SEPTIN11: variants seen among roughly 807,000 people sequenced by gnomAD.
The protein encoded by SEPTIN11 is septin 11.
In SEPTIN11, 25 loss-of-function variants were observed where a neutral mutation model predicts 51.4. The observed-to-expected ratio is 0.49, with a 90% CI of 0.35 to 0.68. The LOEUF is 0.68. Ranked by LOEUF, SEPTIN11 falls within the 30% of genes least tolerant of loss-of-function variation. The pLI is 0.00. For missense variants in SEPTIN11, 381 were observed against 520.8 expected (o/e 0.73, Z 2.61); for synonymous variants, 174 against 184.1 (o/e 0.95, Z 0.44).
rs144628665 is a variant in SEPTIN11, at chr4:77,010,495, A to C, written c.339-1240A>C. Reference sequence around the variant, plus strand: ...TTTAAAGCCTCTAGAGATTTTGTCTACTCTAATTGAACCAATATATTGTGA... The same window carrying C: ...TTTAAAGCCTCTAGAGATTTTGTCTCCTCTAATTGAACCAATATATTGTGA... On this transcript the variant is annotated intron_variant, in intron 3 of 9. Transcript: ENST00000264893. Among the ~76,000 whole-genome samples, 4 of 148,828 alleles carry C rather than the reference A, an allele frequency of 2.7e-5. No individual in the cohort carries two copies. The East Asian group carries it at 7.9e-4, about 29-fold the overall frequency.
intron 1 of SEPTIN11, among the ~76,000 whole-genome samples, 164 bp downstream of exon 1, chr4:76,950,094 G>T (rs903621384): frequency 3.9e-5 from 6 of 152,182 alleles, no homozygotes; most frequent in Non-Finnish European, 5.9e-5. Context: ...TGGGGTCGGG[G>T]TTAGGAGCCC....
chr4:76,982,864 A>C (rs2109917349), intron 1 of SEPTIN11, among the ~76,000 whole-genome samples: 1 of 152,274 alleles, frequency 6.6e-6, no homozygotes, highest in Non-Finnish European at 1.5e-5. Flanking sequence ...TGGTAGCCTG[A>C]GAGGGATCTA....
Position 77,011,887 on chromosome 4 carries a change from T to C in SEPTIN11, c.491T>C (p.Leu164Pro). 1 of 1,614,080 alleles carries C rather than the reference T, an allele frequency of 6.2e-7. No individual in the cohort carries two copies. Among genetic ancestry groups the C allele is most frequent in the Non-Finnish European group, 8.5e-7 (1 of 1,179,948 alleles). ...CCTACTGGACATTCACTAAAGTCCC[T>C]GGATCTGGTCACCATGAAAAAGCTG... ...IAPTGHSLKS[L>P]DLVTMKKLDS... The change falls in exon 4 of 10, where the codon CTG (leucine) becomes CCG (proline). Residue 164 changes from leucine (L) to proline (P), a missense_variant. This residue lies in a region of SEPTIN11 where 184 missense variants were observed against 207.7 expected (regional missense o/e 0.89). Coordinates refer to ENST00000264893, the MANE Select transcript of SEPTIN11 (RefSeq NM_018243.4).
At chr4:77,012,068 A>G (rs909626752) in intron 4 of SEPTIN11, 147 bp downstream of exon 4, 1 of 468,342 alleles carries the variant, frequency 2.1e-6, no homozygotes, top group African/African-American at 2.0e-5. Context: ...ACGCTTCAAA[A>G]CCTCTTGCCT....
intron 1 of SEPTIN11, among the ~76,000 whole-genome samples, chr4:76,952,381 G>A (rs1721387772): frequency 6.6e-6 from 1 of 152,122 alleles, no homozygotes; most frequent in Admixed American, 6.5e-5. Flanking sequence ...AAGTTATTTA[G>A]GACATATATC....
chr4:76,978,304 G>T (rs1424784020), intron 1 of SEPTIN11, among the ~76,000 whole-genome samples: 1 of 152,026 alleles, frequency 6.6e-6, no homozygotes, highest in Non-Finnish European at 1.5e-5. Flanking sequence ...CTTTCCTTGT[G>T]TGCTCTTACT....
At chr4:77,018,278 G>A (rs535122977) in intron 5 of SEPTIN11, among the ~76,000 whole-genome samples, 127 of 151,926 alleles carry the variant, frequency 8.4e-4, no homozygotes, top group African/African-American at 1.7e-3. Context: ...GTGAAACCCC[G>A]TTTCTACTAA....
rs1727035340 is a variant in SEPTIN11, at chr4:77,036,533, C to T, written c.*2021C>T. The T allele has an allele frequency of 7.2e-7, 1 of 1,393,064 alleles. No individual in the cohort carries two copies. Among genetic ancestry groups the T allele is most frequent in the Non-Finnish European group, 9.3e-7 (1 of 1,079,488 alleles). The allele number at this position is 1,393,064 out of a possible 1,614,324, so 86.3% of individuals were successfully genotyped here. On this transcript the variant is annotated 3_prime_UTR_variant, in exon 10 of 10. Transcript: ENST00000264893. Reference sequence around the variant, plus strand: ...GAGCATAACAACGAAAGGCATCCAGCTGACTTTTTGATTCCAAGATTATTG... The same window carrying T: ...GAGCATAACAACGAAAGGCATCCAGTTGACTTTTTGATTCCAAGATTATTG...
At chr4:77,008,377 A>G (rs966884029) in intron 3 of SEPTIN11, among the ~76,000 whole-genome samples, 1 of 152,094 alleles carries the variant, frequency 6.6e-6, no homozygotes, top group South Asian at 2.1e-4. Context: ...CGGAATTTCA[A>G]CCTCACCAAA....
chr4:77,005,325 C>A (rs1285249229), intron 2 of SEPTIN11, among the ~76,000 whole-genome samples: 1 of 152,152 alleles, frequency 6.6e-6, no homozygotes, highest in East Asian at 1.9e-4. Flanking sequence ...GGCAATCTTA[C>A]AAGTACAATT....
intron 6 of SEPTIN11, among the ~76,000 whole-genome samples, chr4:77,019,796 T>C (rs1016751448): frequency 1.2e-4 from 19 of 152,184 alleles, no homozygotes; most frequent in African/African-American, 4.6e-4. Flanking sequence ...GACCTACTCT[T>C]ATGTTCTGAA....
chr4:77,019,138 A>C, intron 5 of SEPTIN11, 27 bp from the exon 6 acceptor site: 1 of 1,599,858 alleles, frequency 6.3e-7, no homozygotes, highest in Non-Finnish European at 8.5e-7. Context: ...GGGGAAAGTA[A>C]CTATTCTCTG....
At chr4:76,961,520 T>C (rs2109887429) in intron 1 of SEPTIN11, among the ~76,000 whole-genome samples, 1 of 152,224 alleles carries the variant, frequency 6.6e-6, no homozygotes, top group East Asian at 1.9e-4. Context: ...ATATTGAAAA[T>C]ATCTAAGTTT....
At chr4:76,991,500 G>C (rs923006836) in intron 1 of SEPTIN11, among the ~76,000 whole-genome samples, 1 of 152,198 alleles carries the variant, frequency 6.6e-6, no homozygotes, top group Non-Finnish European at 1.5e-5. Flanking sequence ...CAATAATGAA[G>C]TCAGCTGGGA....
chr4:76,964,053 GTT>G (rs1196277907), intron 1 of SEPTIN11, among the ~76,000 whole-genome samples: 1 of 151,816 alleles, frequency 6.6e-6, no homozygotes, highest in African/African-American at 2.4e-5. Flanking sequence ...AACATGTGGT[GTT>G]TGGTTTTTTG....
chr4:77,026,663 C>T lies in SEPTIN11; in HGVS notation c.954-1966C>T, dbSNP rs749778278. 7.2e-5 allele frequency among the ~76,000 whole-genome samples: 11 copies of T among 152,214 alleles called. No individual in the cohort carries two copies. The East Asian group carries it at 9.6e-4, about 13-fold the overall frequency. Reference sequence around the variant, plus strand: ...ATTGGTGGTCTCTGGAATACACTTTCGGTGGTGTTTCTATCAAAGTTTCCA... The same window carrying T: ...ATTGGTGGTCTCTGGAATACACTTTTGGTGGTGTTTCTATCAAAGTTTCCA... On this transcript the variant is annotated intron_variant, in intron 7 of 9. Coordinates refer to ENST00000264893, the MANE Select transcript of SEPTIN11 (RefSeq NM_018243.4).
chr4:76,999,651 G>T (rs1375230344), intron 2 of SEPTIN11, among the ~76,000 whole-genome samples: 1 of 152,218 alleles, frequency 6.6e-6, no homozygotes, highest in Middle Eastern at 3.2e-3. Context: ...AAAGAAAGCA[G>T]AGGAAATAAA....
At chr4:77,016,132 A>G (rs1008684915) in intron 5 of SEPTIN11, among the ~76,000 whole-genome samples, 1 of 152,158 alleles carries the variant, frequency 6.6e-6, no homozygotes, top group African/African-American at 2.4e-5. Flanking sequence ...GAGCTACATA[A>G]TAATAATAGC....
intron 1 of SEPTIN11, chr4:76,958,870 T>C: frequency 6.7e-7 from 1 of 1,493,578 alleles, no homozygotes; most frequent in Non-Finnish European, 9.3e-7. Flanking sequence ...ACTAATTCAT[T>C]ATGGTGGCTT....
Sources: allele counts gnomAD v4.1 joint callset (sites outside exome capture counted in the v4.1 genomes callset), GRCh38; gene constraint gnomAD v4.1.1; regional missense constraint gnomAD v4.1.1; transcripts MANE v1.5; gene names NCBI Gene and HGNC (gene_info 2026-07-23, HGNC 2026-07-21).